The following RFX7 variants were observed in gnomAD, a reference collection of about 807,000 sequenced individuals.
RFX7 encodes regulatory factor X7, also known as DNA-binding protein RFX7.
In RFX7, 26 loss-of-function variants were observed where a neutral mutation model predicts 111.8. The ratio of observed to expected loss-of-function variants is 0.23; its 90% CI spans 0.17 to 0.32. The LOEUF is 0.32. Among genes scored for constraint, RFX7 ranks in the 10% least tolerant of loss-of-function variants. The pLI, the probability that RFX7 is intolerant of heterozygous loss-of-function variation, is 1.00. For synonymous variants in RFX7, 624 were observed against 624.4 expected, an observed-to-expected ratio of 1.00 and a Z score of 0.01; for missense variants, 1,573 against 1,772.9, an observed-to-expected ratio of 0.89 and a Z score of 2.02.
rs1205604762 is a variant in RFX7, at chr15:56,094,807, C to T, written c.2921G>A (p.Ser974Asn). ...PTSEMIAGSQ[S>N]LSRESPCSRL... ...GGAGCAAGGGCTCTCCCGTGACAGA[C>T]TCTGAGATCCAGCAATCATTTCAGA... Residue 974 changes from serine (S) to asparagine (N), a missense_variant, in exon 10 of 10, where the codon AGT (serine) becomes AAT (asparagine). By Grantham distance (46) the Ser-to-Asn change is conservative. This residue lies in a region of RFX7 where 625 missense variants were observed against 632.2 expected (regional missense o/e 0.99). Transcript: ENST00000559447. 3.1e-6 allele frequency: 5 copies of T among 1,589,726 alleles called. No individual in the cohort carries two copies. The highest frequency in any genetic ancestry group is 4.3e-6 in the Non-Finnish European group (5 of 1,167,450).
chr15:56,195,369 A>G (rs185994533), intron 2 of RFX7, among the ~76,000 whole-genome samples: 1 of 152,266 alleles, frequency 6.6e-6, no homozygotes, highest in East Asian at 1.9e-4. Flanking sequence ...CTACTGAATC[A>G]TACACTTTAT....
rs71441432 is a variant in RFX7 at position 56,240,106 on chromosome 15, C to CTT, written c.161+3017_161+3018dup. The stretch of plus-strand genomic sequence containing the variant: ...TAAAAATACATGGGTTACTAGTTTT[C>CTT]TTTTTTTTTTTTTAACAACAAAAAG... On this transcript the variant is annotated intron_variant, in intron 2 of 9. Transcript: ENST00000559447. Among the ~76,000 whole-genome samples the CTT allele has an allele frequency of 6.8e-4, 94 of 138,034 alleles. 1 individual carries two copies. The highest frequency in any genetic ancestry group is 2.7e-3 in the African/African-American group (91 of 34,296). 90.6% of individuals were successfully genotyped at this position (138,034 alleles called of 152,430 possible). A position where few individuals can be genotyped will look rare whatever the true frequency, so the allele number is the denominator to read the frequency against.
intron 2 of RFX7, among the ~76,000 whole-genome samples, chr15:56,231,381 A>G (rs931520489): frequency 1.3e-5 from 2 of 152,186 alleles, no homozygotes; most frequent in African/African-American, 4.8e-5. Context: ...AGGCTTTACA[A>G]TCATGGCAAA....
intron 2 of RFX7, among the ~76,000 whole-genome samples, chr15:56,239,103 G>C (rs1229870825): frequency 6.6e-6 from 1 of 152,072 alleles, no homozygotes; most frequent in African/African-American, 2.4e-5. Context: ...CAAAGTGTTA[G>C]GATTACAGGC....
chr15:56,240,484 A>T (rs2043676736), intron 2 of RFX7, among the ~76,000 whole-genome samples: 1 of 152,092 alleles, frequency 6.6e-6, no homozygotes, highest in Non-Finnish European at 1.5e-5. Context: ...ACATACTTTT[A>T]TCAAACCATA....
At chr15:56,222,238 G>A (rs1227258009) in intron 2 of RFX7, among the ~76,000 whole-genome samples, 4 of 152,122 alleles carry the variant, frequency 2.6e-5, no homozygotes, top group Non-Finnish European at 2.9e-5. Flanking sequence ...CGTTGCTGTT[G>A]TTTCCCTATG....
intron 2 of RFX7, among the ~76,000 whole-genome samples, chr15:56,182,625 T>A (rs2042986666): frequency 6.6e-6 from 1 of 152,206 alleles, no homozygotes; most frequent in African/African-American, 2.4e-5. Context: ...TACAATTTTT[T>A]AATTCAACAT....
At chr15:56,244,239 G>A (rs1372169815), upstream of RFX7, 1 of 152,140 alleles carries the variant, frequency 6.6e-6, no homozygotes, top group African/African-American at 2.4e-5. Context: ...TGCATGTGAG[G>A]ATTACTTCCT....
In RFX7 at chr15:56,149,670, C is replaced by A. The variant is rs750032391; in HGVS notation, c.196-5187G>T. On this transcript the variant is annotated intron_variant, in intron 3 of 9. Coordinates refer to ENST00000559447, the MANE Select transcript of RFX7 (RefSeq NM_022841.7). ...AGCCTGAAGAACTCCAGCACAGACA[C>A]TGCGCTTGTCCCATGGTCTTCGTAA... is the stretch of plus-strand genomic sequence containing the variant. Among the ~76,000 whole-genome samples the A allele has an allele frequency of 1.9e-4, 29 of 152,332 alleles. 1 individual carries two copies. Among genetic ancestry groups the A allele is most frequent in the Admixed American group, 1.7e-3 (26 of 15,304 alleles).
chr15:56,094,690 A>G lies in RFX7; in HGVS notation c.3038T>C (p.Val1013Ala). Reference sequence around the variant, plus strand: ...CCTGCATTCAACAGGGCTGGGGGGGACACTACTGCTGCAGTTAGAATGTGG... The same window carrying G: ...CCTGCATTCAACAGGGCTGGGGGGGGCACTACTGCTGCAGTTAGAATGTGG... ...GTPHSNCSSS[V>A]PPSPVECRNP... Residue 1013 changes from valine (V) to alanine (A), a missense_variant, in exon 10 of 10, where the codon GTC becomes GCC. By Grantham distance (64) the Val-to-Ala change is moderately conservative. Coordinates refer to ENST00000559447, the MANE Select transcript of RFX7 (RefSeq NM_022841.7). 1 of 1,613,586 alleles carries G rather than the reference A, an allele frequency of 6.2e-7. No individual in the cohort carries two copies. The highest frequency in any genetic ancestry group is 8.5e-7 in the Non-Finnish European group (1 of 1,179,816).
chr15:56,205,640 C>G (rs1189748468), intron 2 of RFX7, among the ~76,000 whole-genome samples: 1 of 152,134 alleles, frequency 6.6e-6, no homozygotes, highest in Non-Finnish European at 1.5e-5. Flanking sequence ...TTACAGAAAA[C>G]AGAAGATGAG....
At chr15:56,194,187 C>T (rs889924538) in intron 2 of RFX7, among the ~76,000 whole-genome samples, 2 of 152,130 alleles carry the variant, frequency 1.3e-5, no homozygotes, top group Non-Finnish European at 1.5e-5. Flanking sequence ...CCTTCCAACA[C>T]CAAGTTTAGC....
rs138703854 is a variant in RFX7 at position 56,209,979 on chromosome 15, T to C, written c.162-30676A>G. On this transcript the variant is annotated intron_variant, in intron 2 of 9. Coordinates refer to ENST00000559447, the MANE Select transcript of RFX7 (RefSeq NM_022841.7). ...AATATGATAAATATTAATCCAACTA[T>C]ATAAATAATTACTTTGAATGTCAAT... 1.2e-4 allele frequency among the ~76,000 whole-genome samples: 19 copies of C among 152,160 alleles called. No individual in the cohort carries two copies. In the East Asian group the frequency reaches 3.3e-3, roughly 26 times the overall value.
intron 3 of RFX7, among the ~76,000 whole-genome samples, chr15:56,157,861 G>A (rs566253903): frequency 1.3e-5 from 2 of 152,354 alleles, no homozygotes; most frequent in Non-Finnish European, 2.9e-5. Context: ...TTACAGGCGT[G>A]AGCCACTGCG....
chr15:56,194,990 A>G (rs2043133919), intron 2 of RFX7, among the ~76,000 whole-genome samples: 2 of 152,178 alleles, frequency 1.3e-5, no homozygotes, highest in South Asian at 4.1e-4. Context: ...ACAAGAGTCA[A>G]ATGGAGGAAA....
At chr15:56,222,416 A>G (rs1481477211) in intron 2 of RFX7, among the ~76,000 whole-genome samples, 1 of 152,180 alleles carries the variant, frequency 6.6e-6, no homozygotes, top group East Asian at 1.9e-4. Flanking sequence ...TCAAATTCAT[A>G]AATCTTTCAA....
chr15:56,211,804 T>C (rs970865524), intron 2 of RFX7, among the ~76,000 whole-genome samples: 3 of 151,826 alleles, frequency 2.0e-5, no homozygotes, highest in Admixed American at 6.6e-5. Flanking sequence ...ATCAGGAAAA[T>C]GCAAACTAAA....
At chr15:56,140,395 AC>A (rs2042374881) in intron 5 of RFX7, among the ~76,000 whole-genome samples, 1 of 152,060 alleles carries the variant, frequency 6.6e-6, no homozygotes, top group African/African-American at 2.4e-5. Flanking sequence ...GCCGTCCGTC[AC>A]CCCTTTCTTT....
intron 5 of RFX7, among the ~76,000 whole-genome samples, chr15:56,127,745 A>C (rs2042163354): frequency 1.3e-5 from 2 of 151,746 alleles, no homozygotes; most frequent in Admixed American, 6.6e-5. Context: ...ACGGGGTTTC[A>C]CCGTGTTAGC....
Sources: gnomAD v4.1 joint callset for allele counts (sites outside exome capture counted in the v4.1 genomes callset) on GRCh38, gnomAD v4.1.1 for gene constraint, gnomAD v4.1.1 regional missense constraint, MANE v1.5 for transcripts, NCBI Gene and HGNC (gene_info 2026-07-23, HGNC 2026-07-21) for gene names.